ZFAND6: variants seen among roughly 807,000 people sequenced by gnomAD.
The protein encoded by ZFAND6 is zinc finger AN1-type containing 6, also known as AN1-type zinc finger protein 6.
A neutral mutation model predicts 24.5 loss-of-function variants in ZFAND6; 12 were observed. The ratio of observed to expected loss-of-function variants is 0.49; its 90% confidence interval spans 0.31 to 0.79. ZFAND6 has a LOEUF of 0.79. ZFAND6 is among the 30% of genes least tolerant of loss of function. ZFAND6 has a pLI of 0.04. For missense variants in ZFAND6, 207 were observed against 245.9 expected, an observed-to-expected ratio of 0.84 and a Z score of 1.06; for synonymous variants, 92 against 81.5, an observed-to-expected ratio of 1.13 and a Z score of -0.69.
chr15:80,092,326 GAAAAAAA>G (rs373513444), intron 1 of ZFAND6, among the ~76,000 whole-genome samples: 1 of 103,610 alleles, frequency 9.7e-6, no homozygotes, highest in Non-Finnish European at 2.0e-5. Context: ...ATCTCTACAG[GAAAAAAA>G]AAAAAAAAAA....
intron 1 of ZFAND6, among the ~76,000 whole-genome samples, chr15:80,063,667 G>C (rs532433346): frequency 6.6e-6 from 1 of 151,770 alleles, no homozygotes; most frequent in Non-Finnish European, 1.5e-5. Flanking sequence ...TCCTGCCTCA[G>C]CCTCTCCCCA....
chr15:80,112,598 A>G (rs2039665634), intron 2 of ZFAND6, among the ~76,000 whole-genome samples: 1 of 152,146 alleles, frequency 6.6e-6, no homozygotes, highest in African/African-American at 2.4e-5. Flanking sequence ...AGGTTTCACC[A>G]TGTTGGTCAG....
intron 1 of ZFAND6, among the ~76,000 whole-genome samples, chr15:80,090,385 C>T (rs2038283464): frequency 6.6e-6 from 1 of 152,178 alleles, no homozygotes; most frequent in South Asian, 2.1e-4. Flanking sequence ...TGCTTACCAG[C>T]TGTTTGACCT....
chr15:80,108,753 T>C (rs1482112728), intron 2 of ZFAND6, among the ~76,000 whole-genome samples: 2 of 151,996 alleles, frequency 1.3e-5, no homozygotes, highest in Non-Finnish European at 2.9e-5. Flanking sequence ...TCTTTTTTTT[T>C]GGAGTCTCAC....
chr15:80,106,571 A>T (rs11072880), intron 2 of ZFAND6, among the ~76,000 whole-genome samples: 113,930 of 150,828 alleles, frequency 0.76, 43,166 homozygotes, highest in Admixed American at 0.83. Flanking sequence ...TAATTTTTTC[A>T]GTATGTTAAA....
At chr15:80,092,275 C>T (rs1373472336) in intron 1 of ZFAND6, among the ~76,000 whole-genome samples, 1 of 150,090 alleles carries the variant, frequency 6.7e-6, no homozygotes, top group Non-Finnish European at 1.5e-5. Flanking sequence ...TCACTTGATC[C>T]CAGGAGTTCG....
intron 3 of ZFAND6, among the ~76,000 whole-genome samples, chr15:80,121,176 T>TTA (rs1359079206): frequency 6.6e-6 from 1 of 152,206 alleles, no homozygotes; most frequent in Non-Finnish European, 1.5e-5. Context: ...GTGTAGGCTA[T>TTA]TACTTAGTTC....
chr15:80,132,053 G>A (rs921061672), intron 6 of ZFAND6, among the ~76,000 whole-genome samples: 2 of 152,178 alleles, frequency 1.3e-5, no homozygotes, highest in African/African-American at 4.8e-5. Flanking sequence ...GGGGAATGTC[G>A]CTGTGTAGCA....
intron 1 of ZFAND6, among the ~76,000 whole-genome samples, chr15:80,096,634 T>C (rs1023920599): frequency 1.3e-5 from 2 of 152,232 alleles, no homozygotes; most frequent in African/African-American, 4.8e-5. Flanking sequence ...TTGGAGTGTT[T>C]GGGTGCTATT....
intron 2 of ZFAND6, among the ~76,000 whole-genome samples, chr15:80,118,514 T>A (rs1173903340): frequency 6.6e-6 from 1 of 152,210 alleles, no homozygotes; most frequent in African/African-American, 2.4e-5. Context: ...ATATTTGACA[T>A]TAGCATTTCT....
At chr15:80,076,380 CT>C (rs11413395) in intron 1 of ZFAND6, among the ~76,000 whole-genome samples, 2,431 of 147,802 alleles carry the variant, frequency 0.016, 56 homozygotes, top group African/African-American at 0.056. Context: ...TAGAATCAAT[CT>C]TTTTTTTTTT....
chr15:80,087,667 A>G (rs2038083228), intron 1 of ZFAND6, among the ~76,000 whole-genome samples: 1 of 152,178 alleles, frequency 6.6e-6, no homozygotes, highest in Admixed American at 6.5e-5. Context: ...ATCAGAGGAA[A>G]TCATATAGTT....
At chr15:80,134,891 C>G (rs1054474700) in intron 6 of ZFAND6, among the ~76,000 whole-genome samples, 1 of 152,192 alleles carries the variant, frequency 6.6e-6, no homozygotes, top group Non-Finnish European at 1.5e-5. Context: ...TCGTTTGCAA[C>G]GTGGACCGTT....
At chr15:80,113,723 G>A (rs1252111399) in intron 2 of ZFAND6, among the ~76,000 whole-genome samples, 2 of 152,092 alleles carry the variant, frequency 1.3e-5, no homozygotes, top group Non-Finnish European at 2.9e-5. Context: ...ATTTTGTGGG[G>A]TTCATGTTAG....
chr15:80,071,944 A>T (rs539600577), intron 1 of ZFAND6, among the ~76,000 whole-genome samples: 1 of 152,210 alleles, frequency 6.6e-6, no homozygotes, highest in East Asian at 1.9e-4. Flanking sequence ...AAGTAGAAAT[A>T]TCAACCTTTG....
At chr15:80,121,154 TG>T (rs141427917) in intron 3 of ZFAND6, among the ~76,000 whole-genome samples, 1,988 of 152,332 alleles carry the variant, frequency 0.013, 35 homozygotes, top group African/African-American at 0.045. Flanking sequence ...TAGATTTTTG[TG>T]GTTAATGAAA....
chr15:80,118,742 A>G (rs2040013869), intron 2 of ZFAND6, among the ~76,000 whole-genome samples: 1 of 152,140 alleles, frequency 6.6e-6, no homozygotes, highest in Non-Finnish European at 1.5e-5. Context: ...AGGTTTAACT[A>G]TCCTCAACAG....
Position 80,077,913 on chromosome 15 carries a change from T to C in ZFAND6, c.-181+18104T>C, listed in dbSNP as rs945786380. Among the ~76,000 whole-genome samples, 18 of 152,100 alleles carry C rather than the reference T, an allele frequency of 1.2e-4. No homozygotes were observed. The East Asian group carries it at 3.5e-3, about 29-fold the overall frequency. ...TGGGGTTTCACCATATTGGCCAGGCTGGTCTCGAACTCCTGACCCTTGTGA... is the reference window on the plus strand; with the variant it reads ...TGGGGTTTCACCATATTGGCCAGGCCGGTCTCGAACTCCTGACCCTTGTGA... On this transcript the variant is annotated intron_variant, in intron 1 of 6. Coordinates refer to ENST00000261749, the MANE Select transcript of ZFAND6 (RefSeq NM_019006.4).
At chr15:80,133,199 G>GGT (rs71455311) in intron 6 of ZFAND6, among the ~76,000 whole-genome samples, 3 of 145,552 alleles carry the variant, frequency 2.1e-5, no homozygotes, top group African/African-American at 7.6e-5. Context: ...TTTGTTTTTT[G>GGT]TTTTTTTTTT....
Sources: gnomAD v4.1 joint callset for allele counts (sites outside exome capture counted in the v4.1 genomes callset) on GRCh38, gnomAD v4.1.1 for gene constraint, MANE v1.5 for transcripts, NCBI Gene and HGNC (gene_info 2026-07-23, HGNC 2026-07-21) for gene names.